The following ATP6V1H variants were observed in gnomAD, a reference collection of about 807,000 sequenced individuals.
ATP6V1H encodes ATPase H+ transporting V1 subunit H.
A neutral mutation model predicts 71.7 loss-of-function variants in ATP6V1H; 39 were observed. That is an observed-to-expected ratio of 0.54 (90% CI 0.42 to 0.71). The LOEUF is 0.71. Ranked by LOEUF, ATP6V1H falls within the 30% of genes least tolerant of loss-of-function variation. ATP6V1H has a pLI of 0.00. For synonymous variants in ATP6V1H, 192 were observed against 199.3 expected, an observed-to-expected ratio of 0.96 and a Z score of 0.31; for missense variants, 509 against 594.9, an observed-to-expected ratio of 0.86 and a Z score of 1.50.
chr8:53,757,512 T>C lies in ATP6V1H; in HGVS notation c.1176-856A>G, dbSNP rs143552870. ...ATTTTAATGCTCAAGGGCCTAGAAA[T>C]AGATGGAAAACTTCTCAATTCATTC... On this transcript the variant is annotated intron_variant, in intron 11 of 13. Transcript: ENST00000359530. 2.1e-3 allele frequency among the ~76,000 whole-genome samples: 327 copies of C among 152,312 alleles called. 1 individual carries two copies. Among genetic ancestry groups the C allele is most frequent in the African/African-American group, 6.3e-3 (260 of 41,574 alleles).
At chr8:53,831,074 A>G (rs1810991775) in intron 3 of ATP6V1H, among the ~76,000 whole-genome samples, 1 of 152,252 alleles carries the variant, frequency 6.6e-6, no homozygotes. Flanking sequence ...AAGCTGGTAT[A>G]CTTAAAACAT....
At chr8:53,721,781 A>T (rs1806627008) in intron 13 of ATP6V1H, among the ~76,000 whole-genome samples, 1 of 152,248 alleles carries the variant, frequency 6.6e-6, no homozygotes. Flanking sequence ...TAAGAACATC[A>T]CAGTGCAAAT....
intron 13 of ATP6V1H, among the ~76,000 whole-genome samples, chr8:53,722,041 T>C (rs1181266123): frequency 1.3e-5 from 2 of 152,266 alleles, no homozygotes; most frequent in Non-Finnish European, 2.9e-5. Flanking sequence ...GCAATTTATG[T>C]AAAATTTGCA....
chr8:53,835,368 C>A (rs1000763540), intron 2 of ATP6V1H, among the ~76,000 whole-genome samples: 3 of 152,180 alleles, frequency 2.0e-5, no homozygotes, highest in African/African-American at 7.2e-5. Context: ...TCCCTGAGCC[C>A]ACAGGAGAGC....
In ATP6V1H at chr8:53,763,355, C is replaced by A. The variant is rs559512421; in HGVS notation, c.1175+6263G>T. On this transcript the variant is annotated intron_variant, in intron 11 of 13. Coordinates refer to ENST00000359530, the MANE Select transcript of ATP6V1H (RefSeq NM_015941.4). The stretch of plus-strand genomic sequence containing the variant: ...TTCATTTACAATAGCATCAAAAGGA[C>A]AAAATATTTAGAAATAAATTTAACA... Among the ~76,000 whole-genome samples, 3 of 152,200 alleles carry A rather than the reference C, an allele frequency of 2.0e-5. No homozygotes were observed. The East Asian group carries it at 5.8e-4, about 29-fold the overall frequency.
intron 7 of ATP6V1H, among the ~76,000 whole-genome samples, chr8:53,803,952 C>T (rs1484039602): frequency 6.6e-6 from 1 of 152,148 alleles, no homozygotes; most frequent in Non-Finnish European, 1.5e-5. Flanking sequence ...CACAAAAATT[C>T]TTTGTTTCAG....
rs190763559 is a variant in ATP6V1H at position 53,768,288 on chromosome 8, C to T, written c.1175+1330G>A. Among the ~76,000 whole-genome samples, 343 of 152,190 alleles carry T rather than the reference C, an allele frequency of 2.3e-3. 2 individuals are homozygous for T. Among genetic ancestry groups the T allele is most frequent in the African/African-American group, 7.8e-3 (325 of 41,522 alleles). On this transcript the variant is annotated intron_variant, in intron 11 of 13. Transcript: ENST00000359530. ...CTAGAATCAAAAAGGTCATAATAAA[C>T]GTTGGCAAAGATGTGGAGATATCAG...
intron 5 of ATP6V1H, among the ~76,000 whole-genome samples, chr8:53,815,800 A>C (rs1279941225): frequency 6.6e-6 from 1 of 152,266 alleles, no homozygotes; most frequent in Non-Finnish European, 1.5e-5. Flanking sequence ...GTGCATGCAC[A>C]AGACAAAGGA....
At chr8:53,762,430 C>A (rs772094514) in intron 11 of ATP6V1H, among the ~76,000 whole-genome samples, 1 of 152,084 alleles carries the variant, frequency 6.6e-6, no homozygotes, top group Non-Finnish European at 1.5e-5. Context: ...TAAACTATGG[C>A]TTCAATCCCA....
chr8:53,811,157 T>G lies in ATP6V1H; in HGVS notation c.579+7A>C, dbSNP rs757860886. 4.3e-6 allele frequency: 7 copies of G among 1,610,782 alleles called. No homozygotes were observed. Among genetic ancestry groups the G allele is most frequent in the Non-Finnish European group, 5.9e-6 (7 of 1,177,322 alleles). On this transcript the variant is annotated splice_region_variant and intron_variant, in intron 7 of 13. Coordinates refer to ENST00000359530, the MANE Select transcript of ATP6V1H (RefSeq NM_015941.4). ...GGATGTTTAGGCCAGTGAAGGAATA[T>G]ACTTACATCACTTGAAGAGACTGTT...
At chr8:53,826,626 A>G (rs1016929697) in intron 4 of ATP6V1H, among the ~76,000 whole-genome samples, 1 of 152,034 alleles carries the variant, frequency 6.6e-6, no homozygotes, top group African/African-American at 2.4e-5. Context: ...CTGCCTGTCT[A>G]TGTTCACAGA....
intron 9 of ATP6V1H, among the ~76,000 whole-genome samples, chr8:53,781,890 A>T (rs1238462711): frequency 6.6e-6 from 1 of 152,024 alleles, no homozygotes; most frequent in Non-Finnish European, 1.5e-5. Flanking sequence ...GTTCTGTTCC[A>T]TTGGTTTATA....
chr8:53,745,913 A>G (rs571141963), intron 12 of ATP6V1H, among the ~76,000 whole-genome samples: 1 of 152,330 alleles, frequency 6.6e-6, no homozygotes, highest in South Asian at 2.1e-4. Context: ...CGCCTCTAGT[A>G]TTGACACAGC....
At chr8:53,722,482 G>T (rs538278720) in intron 13 of ATP6V1H, among the ~76,000 whole-genome samples, 1 of 152,102 alleles carries the variant, frequency 6.6e-6, no homozygotes, top group Non-Finnish European at 1.5e-5. Flanking sequence ...TAATAAGAAC[G>T]TTTATTTTCT....
chr8:53,839,733 G>A (rs1811284714), intron 2 of ATP6V1H: 2 of 985,356 alleles, frequency 2.0e-6, no homozygotes, highest in Non-Finnish European at 2.4e-6. Flanking sequence ...GGAAAATGGT[G>A]AATGGTCTCA....
intron 4 of ATP6V1H, among the ~76,000 whole-genome samples, chr8:53,825,456 T>A (rs1810795364): frequency 6.6e-6 from 1 of 151,594 alleles, no homozygotes; most frequent in Non-Finnish European, 1.5e-5. Context: ...AAAAACAACA[T>A]TCAAGAAAAC....
chr8:53,810,613 G>A (rs574864823), intron 7 of ATP6V1H, among the ~76,000 whole-genome samples: 54 of 152,188 alleles, frequency 3.5e-4, no homozygotes, highest in Non-Finnish European at 6.9e-4. Flanking sequence ...GGTGGCGGGC[G>A]CTTGTAGTCC....
At chr8:53,736,372 A>G (rs776855891) in intron 13 of ATP6V1H, among the ~76,000 whole-genome samples, 3 of 152,220 alleles carry the variant, frequency 2.0e-5, no homozygotes, top group Non-Finnish European at 4.4e-5. Flanking sequence ...AACATAGGAG[A>G]CCAATGGCCT....
At chr8:53,801,694 T>G in intron 8 of ATP6V1H, 105 bp downstream of exon 8, 1 of 949,736 alleles carries the variant, frequency 1.1e-6, no homozygotes, top group Non-Finnish European at 1.6e-6. Flanking sequence ...TAAACAGATA[T>G]GAAAAAAATA....
Sources: gnomAD v4.1 joint callset for allele counts (sites outside exome capture counted in the v4.1 genomes callset) on GRCh38, gnomAD v4.1.1 for gene constraint, MANE v1.5 for transcripts, NCBI Gene and HGNC (gene_info 2026-07-23, HGNC 2026-07-21) for gene names.